The following ROBO2 variants were observed in gnomAD, a reference collection of about 807,000 sequenced individuals.
ROBO2 encodes the protein roundabout homolog 2.
In ROBO2, 53 loss-of-function variants were observed where a neutral mutation model predicts 160.8. The observed-to-expected ratio is 0.33, with a 90% CI of 0.26 to 0.41. The LOEUF (loss-of-function observed/expected upper bound fraction) is 0.41, where lower values mean the gene tolerates loss of function less well. ROBO2 is among the 10% of genes least tolerant of loss of function. ROBO2 has a pLI of 1.00. For missense variants in ROBO2, 1,577 were observed against 1,722.4 expected (o/e 0.92, Z 1.49); for synonymous variants, 664 against 611.7 (o/e 1.09, Z -1.26).
chr3:77,207,460 A>C (rs35622987), intron 2 of ROBO2, among the ~76,000 whole-genome samples: 29,838 of 152,172 alleles, frequency 0.2, 3,368 homozygotes, highest in Middle Eastern at 0.32. Flanking sequence ...AATGCCTCTC[A>C]TTAACTTAAG....
rs140935459 is a variant in ROBO2, at chr3:76,352,886, C to T, written c.109+415284C>T. ...TAACAATTAGATTACCCCATTGTTA[C>T]AAATTCACTCTGAAAATAGCAAGGC... On this transcript the variant is annotated intron_variant, in intron 2 of 26. Transcript: ENST00000487694. Among the ~76,000 whole-genome samples the T allele has an allele frequency of 2.7e-3, 408 of 152,108 alleles. 1 individual carries two copies. Among genetic ancestry groups the T allele is most frequent in the African/African-American group, 9.1e-3 (380 of 41,540 alleles).
chr3:76,753,865 C>T (rs2060820005), intron 2 of ROBO2, among the ~76,000 whole-genome samples: 1 of 151,816 alleles, frequency 6.6e-6, no homozygotes, highest in Non-Finnish European at 1.5e-5. Context: ...ATAACTGAAA[C>T]AAATTTAGCT....
At chr3:77,084,617 C>T (rs561216495) in intron 1 of ROBO2, among the ~76,000 whole-genome samples, 33 of 152,096 alleles carry the variant, frequency 2.2e-4, no homozygotes, top group South Asian at 1.0e-3. Context: ...ATTCCATGTC[C>T]ACATGGTAAT....
At chr3:77,529,182 G>T (rs960120692) in intron 6 of ROBO2, among the ~76,000 whole-genome samples, 1 of 150,776 alleles carries the variant, frequency 6.6e-6, no homozygotes, top group Non-Finnish European at 1.5e-5. Context: ...ATACAACAAT[G>T]ATATAGATTA....
chr3:76,102,130 T>C (rs927293549), intron 2 of ROBO2, among the ~76,000 whole-genome samples: 1 of 152,174 alleles, frequency 6.6e-6, no homozygotes, highest in African/African-American at 2.4e-5. Flanking sequence ...AGTCTGGAGC[T>C]GCATCGTTTA....
chr3:76,070,985 G>A (rs1268669985), intron 2 of ROBO2, among the ~76,000 whole-genome samples: 2 of 152,196 alleles, frequency 1.3e-5, no homozygotes, highest in East Asian at 3.9e-4. Context: ...GTCTAACCAA[G>A]GGTTGCATTT....
intron 2 of ROBO2, among the ~76,000 whole-genome samples, chr3:76,833,108 G>A (rs1437531641): frequency 6.6e-6 from 1 of 152,084 alleles, no homozygotes; most frequent in East Asian, 1.9e-4. Flanking sequence ...GCAAATATGG[G>A]ATTAGGACCT....
intron 2 of ROBO2, among the ~76,000 whole-genome samples, chr3:76,405,571 T>A (rs1388716992): frequency 2.0e-5 from 3 of 151,702 alleles, no homozygotes; most frequent in Non-Finnish European, 4.4e-5. Flanking sequence ...TCAACATGTT[T>A]TACTTCTTTG....
At chr3:76,397,005 T>C (rs898428780) in intron 2 of ROBO2, among the ~76,000 whole-genome samples, 10 of 152,002 alleles carry the variant, frequency 6.6e-5, no homozygotes, top group South Asian at 2.1e-4. Flanking sequence ...AAAAAGAGCC[T>C]TCATCGCCAA....
At chr3:76,994,782 A>G (rs1262327446) in intron 2 of ROBO2, among the ~76,000 whole-genome samples, 1 of 152,210 alleles carries the variant, frequency 6.6e-6, no homozygotes, top group East Asian at 1.9e-4. Flanking sequence ...TTACCCTTCC[A>G]TAAACCACAG....
intron 2 of ROBO2, among the ~76,000 whole-genome samples, chr3:77,146,395 G>T (rs2077123994): frequency 6.6e-6 from 1 of 152,164 alleles, no homozygotes. Flanking sequence ...AGTGGGTGAT[G>T]AAAGATGAGT....
intron 2 of ROBO2, among the ~76,000 whole-genome samples, chr3:76,205,746 T>G (rs1318861892): frequency 6.6e-6 from 1 of 152,144 alleles, no homozygotes; most frequent in Non-Finnish European, 1.5e-5. Context: ...CCATCCCTTT[T>G]GGGTTCCTGT....
chr3:76,742,888 G>A (rs1332308600), intron 2 of ROBO2, among the ~76,000 whole-genome samples: 1 of 145,806 alleles, frequency 6.9e-6, no homozygotes, highest in Non-Finnish European at 1.5e-5. Context: ...TTAACCCTGT[G>A]ATGGGATCCA....
In ROBO2 at chr3:75,928,784, T is replaced by A. The variant is rs369448072; in HGVS notation, c.-13-8697T>A. On this transcript the variant is annotated intron_variant, in intron 1 of 26. Transcript: ENST00000487694. ...GCTGGTTAAGACGTGTGTGTGTGTG[T>A]GAGATAGCTGATGATTATACAATGA... 1.3e-3 allele frequency among the ~76,000 whole-genome samples: 191 copies of A among 151,864 alleles called. 1 individual carries two copies. The highest frequency in any genetic ancestry group is 4.5e-3 in the African/African-American group (185 of 41,426).
chr3:77,085,895 A>G (rs2069237607), intron 1 of ROBO2, among the ~76,000 whole-genome samples: 1 of 152,082 alleles, frequency 6.6e-6, no homozygotes, highest in South Asian at 2.1e-4. Context: ...ATTTCAGATA[A>G]TATTCCCATT....
intron 2 of ROBO2, among the ~76,000 whole-genome samples, chr3:76,281,656 G>T (rs915605518): frequency 1.2e-4 from 18 of 151,748 alleles, no homozygotes; most frequent in African/African-American, 4.1e-4. Flanking sequence ...AAAATTCTTA[G>T]ATACCGGACA....
At chr3:76,208,011 T>C (rs1702914864) in intron 2 of ROBO2, among the ~76,000 whole-genome samples, 1 of 152,162 alleles carries the variant, frequency 6.6e-6, no homozygotes, top group South Asian at 2.1e-4. Flanking sequence ...TAAAAGTGTT[T>C]AGCACCTCCC....
intron 7 of ROBO2, among the ~76,000 whole-genome samples, chr3:77,548,011 AC>A (rs1265652389): frequency 1.3e-5 from 2 of 151,712 alleles, no homozygotes; most frequent in Non-Finnish European, 2.9e-5. Context: ...ACATATACAC[AC>A]ACATACCACA....
rs200111733 is a variant in ROBO2 at position 77,565,085 on chromosome 3, A to G, written c.1814A>G (p.Asp605Gly). 197 of 1,613,702 alleles carry G rather than the reference A, an allele frequency of 1.2e-4. No homozygotes were observed. The highest frequency in any genetic ancestry group is 1.6e-4 in the Non-Finnish European group (187 of 1,179,756). The change falls in exon 12 of 26, where the codon GAC (aspartate) becomes GGC (glycine). Residue 605 changes from aspartate to glycine, a missense_variant. By Grantham distance (94) the Asp-to-Gly change is moderately conservative (BLOSUM62 -1). Transcript: ENST00000461745. ...GCGATCAACCCCCAAGGTCTCAGTGACCCAAGTCCCATGTCAGATCCTGTG... is the reference window on the plus strand; with the variant it reads ...GCGATCAACCCCCAAGGTCTCAGTGGCCCAAGTCCCATGTCAGATCCTGTG...
Sources: gnomAD v4.1 joint callset for allele counts (sites outside exome capture counted in the v4.1 genomes callset) on GRCh38, gnomAD v4.1.1 for gene constraint, MANE v1.5 for transcripts, NCBI Gene and HGNC (gene_info 2026-07-23, HGNC 2026-07-21) for gene names.